ZNF654: variants seen among roughly 807,000 people sequenced by gnomAD.
The protein encoded by ZNF654 is melanoma-associated antigen.
Under a neutral mutation model 95.3 loss-of-function variants are expected in ZNF654, and 19 were observed. That is an observed-to-expected ratio of 0.20 (90% CI 0.14 to 0.29). The LOEUF (loss-of-function observed/expected upper bound fraction) is 0.29, where lower values mean the gene tolerates loss of function less well. Among genes scored for constraint, ZNF654 ranks in the 10% least tolerant of loss-of-function variants. The probability of loss-of-function intolerance (pLI) is 1.00; values close to 1 mark genes in which losing one functional copy is unlikely to be tolerated. For synonymous variants in ZNF654, 413 were observed against 457.9 expected (o/e 0.90, Z 1.25); for missense variants, 1,046 against 1,341.0 (o/e 0.78, Z 3.44).
chr3:88,094,530 A>C (rs1444614726), intron 2 of ZNF654, among the ~76,000 whole-genome samples: 2 of 152,234 alleles, frequency 1.3e-5, no homozygotes, highest in Middle Eastern at 3.4e-3. Flanking sequence ...GTAGTTTTGG[A>C]AAATGGTATT....
At chr3:88,086,015 C>T (rs1428614050) in intron 1 of ZNF654, among the ~76,000 whole-genome samples, 2 of 152,070 alleles carry the variant, frequency 1.3e-5, no homozygotes, top group Non-Finnish European at 2.9e-5. Context: ...TTTGGTAAAA[C>T]ATTGGTAGTT....
At chr3:88,131,365 G>T (rs796196103) in intron 6 of ZNF654, among the ~76,000 whole-genome samples, 11 of 152,220 alleles carry the variant, frequency 7.2e-5, no homozygotes, top group African/African-American at 2.6e-4. Context: ...TGGTTATTTG[G>T]AAACTGAAAA....
chr3:88,069,350 A>G (rs555127626), intron 1 of ZNF654, among the ~76,000 whole-genome samples: 3 of 152,238 alleles, frequency 2.0e-5, no homozygotes, highest in South Asian at 2.1e-4. Context: ...TGAACTCTGG[A>G]GGCGGAGGTT....
chr3:88,138,059 A>G (rs1431220870), intron 7 of ZNF654, among the ~76,000 whole-genome samples: 2 of 152,114 alleles, frequency 1.3e-5, no homozygotes, highest in Non-Finnish European at 2.9e-5. Flanking sequence ...TCATCAGTGA[A>G]TGTTTCAAAG....
At chr3:88,093,033 C>CTT (rs1024986233) in intron 2 of ZNF654, among the ~76,000 whole-genome samples, 1 of 152,182 alleles carries the variant, frequency 6.6e-6, no homozygotes, top group Non-Finnish European at 1.5e-5. Flanking sequence ...TTCTGTCTAA[C>CTT]TTTACCTGGG....
At chr3:88,130,067 A>C (rs1369827746) in intron 6 of ZNF654, among the ~76,000 whole-genome samples, 1 of 152,220 alleles carries the variant, frequency 6.6e-6, no homozygotes, top group Non-Finnish European at 1.5e-5. Flanking sequence ...GTGGTTTGAA[A>C]TTAAATTTTA....
chr3:88,108,875 G>T (rs1704907629), intron 2 of ZNF654, among the ~76,000 whole-genome samples: 1 of 151,910 alleles, frequency 6.6e-6, no homozygotes, highest in African/African-American at 2.4e-5. Flanking sequence ...CTCACAGTGA[G>T]AACAAATTTC....
intron 7 of ZNF654, among the ~76,000 whole-genome samples, chr3:88,137,298 C>T (rs1576352791): frequency 6.7e-6 from 1 of 149,138 alleles, no homozygotes; most frequent in Non-Finnish European, 1.5e-5. Flanking sequence ...TCTGAAAAAT[C>T]TAGGTAGTAA....
At chr3:88,059,821 C>G (rs189816435) in intron 1 of ZNF654, among the ~76,000 whole-genome samples, 45 of 152,230 alleles carry the variant, frequency 3.0e-4, no homozygotes, top group African/African-American at 1.1e-3. Context: ...CCTTCCTGCC[C>G]GAGAGTCCCG....
intron 2 of ZNF654, among the ~76,000 whole-genome samples, chr3:88,098,950 C>T (rs1704232104): frequency 1.3e-5 from 2 of 152,148 alleles, no homozygotes; most frequent in Admixed American, 1.3e-4. Context: ...TCTGTCACTA[C>T]TTCTATTCAT....
intron 3 of ZNF654, among the ~76,000 whole-genome samples, chr3:88,120,559 A>G (rs1432668364): frequency 4.6e-5 from 7 of 152,142 alleles, no homozygotes; most frequent in Non-Finnish European, 1.5e-5. Context: ...ATGATAATCA[A>G]TAGAAGACAA....
intron 3 of ZNF654, among the ~76,000 whole-genome samples, chr3:88,120,908 T>C (rs959039331): frequency 6.6e-6 from 1 of 152,144 alleles, no homozygotes; most frequent in Non-Finnish European, 1.5e-5. Context: ...TTTACTTTGA[T>C]GTTTGGTCAT....
At chr3:88,106,144 C>T (rs1320674754) in intron 2 of ZNF654, among the ~76,000 whole-genome samples, 1 of 152,156 alleles carries the variant, frequency 6.6e-6, no homozygotes, top group African/African-American at 2.4e-5. Context: ...TACTCAGTCT[C>T]AGGTACTCTG....
intron 2 of ZNF654, among the ~76,000 whole-genome samples, chr3:88,107,251 T>C (rs1422169179): frequency 3.9e-5 from 6 of 152,308 alleles, no homozygotes; most frequent in Admixed American, 3.9e-4. Flanking sequence ...GCTCATGTTA[T>C]TGATGTCATG....
intron 1 of ZNF654, among the ~76,000 whole-genome samples, chr3:88,082,419 C>G (rs181872621): frequency 1.5e-4 from 23 of 152,346 alleles, no homozygotes; most frequent in African/African-American, 4.6e-4. Context: ...GCCACCACAC[C>G]TGGCCTGTGA....
At chr3:88,124,993 A>G (rs536970093) in intron 3 of ZNF654, among the ~76,000 whole-genome samples, 44 of 152,254 alleles carry the variant, frequency 2.9e-4, no homozygotes, top group Non-Finnish European at 5.0e-4. Context: ...AGGCAGGCGG[A>G]TCATGAGGTC....
In ZNF654 at chr3:88,140,208, A is replaced by G; in HGVS notation, c.2539A>G (p.Ser847Gly). ...KSHRIFQAQC[S>G]FPECHELFED... Reference sequence around the variant, plus strand: ...TCACAGGATATTTCAGGCTCAGTGTAGTTTTCCAGAATGCCATGAGCTTTT... The same window carrying G: ...TCACAGGATATTTCAGGCTCAGTGTGGTTTTCCAGAATGCCATGAGCTTTT... The change falls in exon 8 of 9, where the codon AGT (serine) becomes GGT (glycine). Residue 847 changes from serine to glycine, a missense_variant. Coordinates refer to ENST00000636215, the MANE Select transcript of ZNF654 (RefSeq NM_001350134.2). 6.2e-7 allele frequency: 1 copy of G among 1,613,832 alleles called. No homozygotes were observed. Among genetic ancestry groups the G allele is most frequent in the Non-Finnish European group, 8.5e-7 (1 of 1,179,756 alleles).
chr3:88,079,542 A>G (rs1707976727), intron 1 of ZNF654, among the ~76,000 whole-genome samples: 1 of 152,034 alleles, frequency 6.6e-6, no homozygotes, highest in Non-Finnish European at 1.5e-5. Context: ...AGTTATCTGT[A>G]AAGTTAAGTA....
rs761140417 is a variant in ZNF654, at chr3:88,140,624, A to G, written c.2955A>G (p.Gln985=). Residue 985 remains glutamine (Q), a synonymous_variant, in exon 8 of 9, where the codon CAA becomes CAG. Transcript: ENST00000636215. ...TCAATGGACACAGTGAAATAGAGCAAACACCTTTAGTTTCATCAGATCCTG... is the reference window on the plus strand; with the variant it reads ...TCAATGGACACAGTGAAATAGAGCAGACACCTTTAGTTTCATCAGATCCTG... The part of the protein sequence containing the change: ...DIVNGHSEIE[Q]TPLVSSDPAL... 46 of 1,613,630 alleles carry G rather than the reference A, an allele frequency of 2.9e-5. No homozygotes were observed. The highest frequency in any genetic ancestry group is 3.4e-5 in the Non-Finnish European group (40 of 1,179,744).
Sources: gnomAD v4.1 joint callset for allele counts (sites outside exome capture counted in the v4.1 genomes callset) on GRCh38, gnomAD v4.1.1 for gene constraint, MANE v1.5 for transcripts, NCBI Gene and HGNC (gene_info 2026-07-23, HGNC 2026-07-21) for gene names.